Variants in ATP10D observed in about 807,000 individuals in gnomAD.
ATP10D encodes phospholipid-transporting ATPase VD.
A neutral mutation model predicts 144.8 loss-of-function variants in ATP10D; 89 were observed. That is an observed-to-expected ratio of 0.61 (90% CI 0.52 to 0.73). The LOEUF is 0.73. ATP10D is among the 30% of genes least tolerant of loss of function. The pLI is 0.00. For synonymous variants in ATP10D, 571 were observed against 615.1 expected (o/e 0.93, Z 1.06); for missense variants, 1,603 against 1,714.8 (o/e 0.93, Z 1.15).
At chr4:47,530,740 G>C (rs1717525092) in intron 5 of ATP10D, among the ~76,000 whole-genome samples, 1 of 152,186 alleles carries the variant, frequency 6.6e-6, no homozygotes. Context: ...ACAGGCATGA[G>C]CCACTGCGCC....
At chr4:47,555,238 G>A (rs75804857) in intron 11 of ATP10D, among the ~76,000 whole-genome samples, 38 of 152,192 alleles carry the variant, frequency 2.5e-4, no homozygotes, top group African/African-American at 8.9e-4. Flanking sequence ...TCATAGGAAC[G>A]CGAACCCTAT....
chr4:47,487,231 C>CAA (rs1478374325), intron 1 of ATP10D, among the ~76,000 whole-genome samples: 78 of 128,220 alleles, frequency 6.1e-4, no homozygotes, highest in Admixed American at 7.7e-4. Context: ...CTCCGTCCCC[C>CAA]AAAAAAAAAA....
rs889360711 is a variant in ATP10D, at chr4:47,521,114, A to C, written c.486-1898A>C. ...ATCTCGGGTCTTCTTTCACCTTACT[A>C]TCACTTTGAAGACTCCCTGAGAAAC... On this transcript the variant is annotated intron_variant, in intron 3 of 22. Coordinates refer to ENST00000273859, the MANE Select transcript of ATP10D (RefSeq NM_020453.4). Among the ~76,000 whole-genome samples the C allele has an allele frequency of 2.6e-5, 4 of 152,196 alleles. No homozygotes were observed. In the South Asian group the frequency reaches 8.3e-4, roughly 32 times the overall value.
intron 22 of ATP10D, 64 bp from the exon 23 acceptor site, chr4:47,590,978 G>GGT (rs1553902239): frequency 1.7e-5 from 19 of 1,088,498 alleles, no homozygotes; most frequent in Non-Finnish European, 2.1e-5. Context: ...TTAGTATTTG[G>GGT]GGGGGGGGGT....
intron 1 of ATP10D, among the ~76,000 whole-genome samples, chr4:47,506,615 T>G (rs1234018962): frequency 1.3e-5 from 2 of 152,224 alleles, no homozygotes; most frequent in Non-Finnish European, 2.9e-5. Context: ...AACTTAATTT[T>G]TTAAGATTGT....
chr4:47,525,105 A>G (rs1464423590), intron 4 of ATP10D, among the ~76,000 whole-genome samples: 1 of 152,178 alleles, frequency 6.6e-6, no homozygotes, highest in Non-Finnish European at 1.5e-5. Context: ...ATAGATATTG[A>G]TGTCTAGTTT....
intron 1 of ATP10D, among the ~76,000 whole-genome samples, chr4:47,511,227 C>A (rs1716307459): frequency 6.6e-6 from 1 of 152,086 alleles, no homozygotes; most frequent in African/African-American, 2.4e-5. Context: ...GCCAGTCAAT[C>A]TTCATTGATT....
Position 47,523,098 on chromosome 4 carries a change from C to T in ATP10D, c.572C>T (p.Ala191Val). The change falls in exon 4 of 23, where the codon GCA becomes GTA. Residue 191 changes from alanine to valine, a missense_variant. Ala to Val is a moderately conservative substitution (Grantham distance 64). Coordinates refer to ENST00000273859, the MANE Select transcript of ATP10D (RefSeq NM_020453.4). ...IRLSCNEVIP[A>V]DMVLLFSTDP... is the part of the protein sequence containing the mutation. ...CTCTCCTGCAACGAGGTCATCCCTG[C>T]AGACATGGTACTACTCTTTTCCACT... is the stretch of plus-strand genomic sequence containing the variant. 6.2e-7 allele frequency: 1 copy of T among 1,613,918 alleles called. No individual in the cohort carries two copies. The highest frequency in any genetic ancestry group is 8.5e-7 in the Non-Finnish European group (1 of 1,179,954).
intron 7 of ATP10D, 61 bp downstream of exon 7, chr4:47,536,094 C>A: frequency 6.5e-7 from 1 of 1,538,936 alleles, no homozygotes; most frequent in Non-Finnish European, 8.8e-7. Flanking sequence ...TATTTTATTT[C>A]AAAATTATAT....
rs527393775 is a variant in ATP10D, at chr4:47,496,318, C to T, written c.-38+10799C>T. ...GATTACAGGCATGGGCCACCACGCC[C>T]GGCTAATTTTGTATTTTTAGTAGAG... On this transcript the variant is annotated intron_variant, in intron 1 of 22. Transcript: ENST00000273859. 1.5e-3 allele frequency among the ~76,000 whole-genome samples: 223 copies of T among 150,314 alleles called. 1 individual carries two copies. The highest frequency in any genetic ancestry group is 5.0e-3 in the African/African-American group (205 of 40,908).
chr4:47,490,303 A>G (rs1268525424), intron 1 of ATP10D, among the ~76,000 whole-genome samples: 1 of 152,222 alleles, frequency 6.6e-6, no homozygotes, highest in Admixed American at 6.5e-5. Context: ...TCCTTTAGCT[A>G]GAAATCAACA....
At chr4:47,581,560 T>C (rs1198727719) in intron 20 of ATP10D, among the ~76,000 whole-genome samples, 1 of 152,144 alleles carries the variant, frequency 6.6e-6, no homozygotes, top group Non-Finnish European at 1.5e-5. Context: ...AATTGTGTCA[T>C]TAGAGGAATA....
At chr4:47,530,646 A>T (rs928830439) in intron 5 of ATP10D, among the ~76,000 whole-genome samples, 4 of 151,820 alleles carry the variant, frequency 2.6e-5, no homozygotes, top group Non-Finnish European at 5.9e-5. Context: ...AGTAGAGATG[A>T]GGTTTTGCCA....
chr4:47,498,790 G>T (rs954436543), intron 1 of ATP10D, among the ~76,000 whole-genome samples: 8 of 152,146 alleles, frequency 5.3e-5, no homozygotes, highest in African/African-American at 1.9e-4. Context: ...GGAGAAACAG[G>T]TATTAAATCA....
At chr4:47,510,408 A>G (rs1190400655) in intron 1 of ATP10D, among the ~76,000 whole-genome samples, 2 of 152,240 alleles carry the variant, frequency 1.3e-5, no homozygotes, top group East Asian at 3.8e-4. Context: ...GAAGGAATAA[A>G]GGAGAAAGGC....
At chr4:47,543,556 C>G (rs1381841078) in intron 9 of ATP10D, among the ~76,000 whole-genome samples, 1 of 152,296 alleles carries the variant, frequency 6.6e-6, no homozygotes, top group African/African-American at 2.4e-5. Context: ...TGCCAAACCC[C>G]CAGGGGACAA....
intron 1 of ATP10D, among the ~76,000 whole-genome samples, chr4:47,493,093 T>A (rs952491150): frequency 1.3e-5 from 2 of 152,218 alleles, no homozygotes; most frequent in African/African-American, 4.8e-5. Context: ...ATCTTTCTTT[T>A]AAGCATGTTA....
In ATP10D at chr4:47,554,846, G is replaced by A. The variant is rs561130132; in HGVS notation, c.1756G>A (p.Asp586Asn). 19 of 1,614,004 alleles carry A rather than the reference G, an allele frequency of 1.2e-5. 1 individual carries two copies. The highest frequency in any genetic ancestry group is 3.3e-5 in the South Asian group (3 of 91,068). The change falls in exon 11 of 23, where the codon GAC (aspartate) becomes AAC (asparagine). Residue 586 changes from aspartate (D) to asparagine (N), a missense_variant. Coordinates refer to ENST00000273859, the MANE Select transcript of ATP10D (RefSeq NM_020453.4). ...NPPMETLYIIDFFIALAICNT... is the reference protein window; with the variant it reads ...NPPMETLYIINFFIALAICNT... Reference sequence around the variant, plus strand: ...ACCAATGGAAACTTTGTACATTATCGACTTTTTCATTGCATTGGCAATTTG... The same window carrying A: ...ACCAATGGAAACTTTGTACATTATCAACTTTTTCATTGCATTGGCAATTTG...
At position 47,546,737 on chromosome 4, in the gene ATP10D, G is replaced by C. The variant is rs1336984892; in HGVS notation, c.1510G>C (p.Val504Leu). 2 of 1,614,040 alleles carry C rather than the reference G, an allele frequency of 1.2e-6. No homozygotes were observed. Among genetic ancestry groups the C allele is most frequent in the African/African-American group, 2.7e-5 (2 of 74,920 alleles). Residue 504 changes from valine (V) to leucine (L), a missense_variant, in exon 10 of 23, where the codon GTT becomes CTT. Physicochemically the swap from Val to Leu is conservative, Grantham distance 32. Transcript: ENST00000273859. ...AKPRAPSCRT[V>L]HNGPLGNKPS... is the part of the protein sequence containing the mutation. Reference sequence around the variant, plus strand: ...ACCGAGAGCCCCCAGCTGCAGGACAGTTCATAATGGGCCTTTGGGAAATAA... The same window carrying C: ...ACCGAGAGCCCCCAGCTGCAGGACACTTCATAATGGGCCTTTGGGAAATAA...
Sources: allele counts gnomAD v4.1 joint callset (sites outside exome capture counted in the v4.1 genomes callset), GRCh38; gene constraint gnomAD v4.1.1; transcripts MANE v1.5; gene names NCBI Gene and HGNC (gene_info 2026-07-23, HGNC 2026-07-21).